The following FHOD3 variants were observed in gnomAD, a reference collection of about 807,000 sequenced individuals.
FHOD3 encodes FH1/FH2 domain-containing protein 3.
Under a neutral mutation model 173.0 loss-of-function variants are expected in FHOD3, and 90 were observed. The ratio of observed to expected loss-of-function variants is 0.52; its 90% confidence interval spans 0.44 to 0.62. The LOEUF is 0.62. Among genes scored for constraint, FHOD3 ranks in the 20% least tolerant of loss-of-function variants. The pLI is 0.00. For missense variants in FHOD3, 1,945 were observed against 2,034.7 expected, an observed-to-expected ratio of 0.96 and a Z score of 0.85; for synonymous variants, 828 against 823.0, an observed-to-expected ratio of 1.01 and a Z score of -0.10.
At chr18:36,764,183 T>C (rs1256911104) in intron 27 of FHOD3, among the ~76,000 whole-genome samples, 3 of 151,680 alleles carry the variant, frequency 2.0e-5, no homozygotes, top group Non-Finnish European at 4.4e-5. Flanking sequence ...GGAGAGAGAG[T>C]GTGTGTAAAC....
intron 14 of FHOD3, among the ~76,000 whole-genome samples, chr18:36,678,690 T>G (rs998512917): frequency 2.0e-5 from 3 of 152,008 alleles, no homozygotes; most frequent in African/African-American, 7.2e-5. Flanking sequence ...CAAATGGTTG[T>G]TGAATTTAAA....
chr18:36,771,895 T>G (rs2043400411), intron 28 of FHOD3, among the ~76,000 whole-genome samples: 1 of 152,220 alleles, frequency 6.6e-6, no homozygotes. Flanking sequence ...CATGGGACAT[T>G]GGACTGGCTG....
intron 3 of FHOD3, among the ~76,000 whole-genome samples, chr18:36,394,854 G>A (rs2048475265): frequency 6.6e-6 from 1 of 152,110 alleles, no homozygotes; most frequent in Non-Finnish European, 1.5e-5. Flanking sequence ...CTCCTCAATG[G>A]GAGAAGCTGG....
intron 6 of FHOD3, among the ~76,000 whole-genome samples, chr18:36,588,783 G>A (rs1418716754): frequency 6.6e-6 from 1 of 152,178 alleles, no homozygotes; most frequent in African/African-American, 2.4e-5. Flanking sequence ...CATATTTGGT[G>A]ATTACATTTT....
chr18:36,580,066 T>A (rs775268132), intron 6 of FHOD3, among the ~76,000 whole-genome samples: 1 of 152,144 alleles, frequency 6.6e-6, no homozygotes, highest in East Asian at 1.9e-4. Flanking sequence ...CAGGAAAGAA[T>A]AAACACACAG....
At chr18:36,692,959 T>C (rs1013920493) in intron 16 of FHOD3, 1 of 546,612 alleles carries the variant, frequency 1.8e-6, no homozygotes, top group Admixed American at 3.1e-5. Context: ...GCAGCAGTGA[T>C]CCAGTATCTA....
intron 9 of FHOD3, among the ~76,000 whole-genome samples, chr18:36,623,989 CT>C (rs2033906421): frequency 6.6e-6 from 1 of 152,198 alleles, no homozygotes; most frequent in Admixed American, 6.5e-5. Context: ...GGTTAGCTAT[CT>C]GAGTCTTTAT....
intron 3 of FHOD3, among the ~76,000 whole-genome samples, chr18:36,380,547 C>CTTTTG (rs1283617491): frequency 1.1e-5 from 1 of 93,764 alleles, no homozygotes; most frequent in Non-Finnish European, 2.2e-5. Flanking sequence ...CTCTCTCTTT[C>CTTTTG]TTTTGTTTTC....
In FHOD3 at chr18:36,607,904, C is replaced by T. The variant is rs139127673; in HGVS notation, c.814-4048C>T. 2.9e-3 allele frequency among the ~76,000 whole-genome samples: 435 copies of T among 152,312 alleles called. 2 individuals are homozygous for T. Among genetic ancestry groups the T allele is most frequent in the African/African-American group, 0.01 (417 of 41,564 alleles). Reference sequence around the variant, plus strand: ...TTCTCGTTTCCATCTGAGACCTCTTCAGAATTGGCTTTACCATTTGTATTT... The same window carrying T: ...TTCTCGTTTCCATCTGAGACCTCTTTAGAATTGGCTTTACCATTTGTATTT... On this transcript the variant is annotated intron_variant, in intron 8 of 28. Coordinates refer to ENST00000590592, the MANE Select transcript of FHOD3 (RefSeq NM_001281740.3).
chr18:36,309,643 T>C (rs1395617953), intron 1 of FHOD3, among the ~76,000 whole-genome samples: 1 of 152,086 alleles, frequency 6.6e-6, no homozygotes, highest in African/African-American at 2.4e-5. Context: ...TGCCCGGAAG[T>C]GAGAGAGGTT....
chr18:36,511,737 G>A (rs1039166439), intron 4 of FHOD3, among the ~76,000 whole-genome samples: 1 of 152,202 alleles, frequency 6.6e-6, no homozygotes, highest in African/African-American at 2.4e-5. Flanking sequence ...TCTGTTGGCT[G>A]ATAGGTCTGG....
chr18:36,332,704 G>A (rs186074234), intron 1 of FHOD3, among the ~76,000 whole-genome samples: 142 of 152,330 alleles, frequency 9.3e-4, no homozygotes, highest in Non-Finnish European at 1.7e-3. Flanking sequence ...GGCAGGTTCT[G>A]TGCCTGCCTC....
intron 4 of FHOD3, 66 bp from the exon 5 acceptor site, chr18:36,512,372 A>G: frequency 1.7e-6 from 2 of 1,206,852 alleles, no homozygotes; most frequent in South Asian, 1.2e-5. Flanking sequence ...TAGTTTTAGC[A>G]GCACAGCTGG....
At chr18:36,606,361 G>A (rs2032070141) in intron 8 of FHOD3, among the ~76,000 whole-genome samples, 1 of 152,054 alleles carries the variant, frequency 6.6e-6, no homozygotes, top group South Asian at 2.1e-4. Flanking sequence ...GAGGGCAAGG[G>A]GGTTGTAGGG....
chr18:36,502,230 TTTAC>T (rs773103884), intron 4 of FHOD3, among the ~76,000 whole-genome samples: 1 of 145,448 alleles, frequency 6.9e-6, no homozygotes, highest in Non-Finnish European at 1.5e-5. Flanking sequence ...TTTTTCCATA[TTTAC>T]TTCTAGTTTT....
chr18:36,694,638 T>C (rs898386048), intron 17 of FHOD3, among the ~76,000 whole-genome samples: 3 of 152,246 alleles, frequency 2.0e-5, no homozygotes, highest in Non-Finnish European at 4.4e-5. Flanking sequence ...ATGAGAGATA[T>C]CCTCCTGCAG....
intron 9 of FHOD3, among the ~76,000 whole-genome samples, chr18:36,613,074 C>G (rs2032854629): frequency 6.6e-6 from 1 of 152,246 alleles, no homozygotes; most frequent in Non-Finnish European, 1.5e-5. Flanking sequence ...TGTCTGCACT[C>G]AAATCCATCT....
At chr18:36,684,511 A>C (rs940600001) in intron 15 of FHOD3, among the ~76,000 whole-genome samples, 1 of 152,148 alleles carries the variant, frequency 6.6e-6, no homozygotes, top group African/African-American at 2.4e-5. Context: ...AAAATAAAAG[A>C]TATAAAGATC....
At chr18:36,749,293 C>T (rs982712908) in intron 24 of FHOD3, among the ~76,000 whole-genome samples, 3 of 152,140 alleles carry the variant, frequency 2.0e-5, no homozygotes, top group African/African-American at 7.2e-5. Context: ...GTACTAAGCC[C>T]AGTATCCGAT....
Sources: gnomAD v4.1 joint callset for allele counts (sites outside exome capture counted in the v4.1 genomes callset) on GRCh38, gnomAD v4.1.1 for gene constraint, MANE v1.5 for transcripts, NCBI Gene and HGNC (gene_info 2026-07-23, HGNC 2026-07-21) for gene names.